Variants in ATG7 observed in about 807,000 individuals in gnomAD.
ATG7 encodes autophagy related 7, also known as ubiquitin-like modifier-activating enzyme ATG7.
ATG7 carries 70 observed loss-of-function variants against 82.4 expected under a neutral mutation model. The ratio of observed to expected loss-of-function variants is 0.85; its 90% CI spans 0.70 to 1.04. ATG7 has a LOEUF of 1.04. Ranked by LOEUF, ATG7 falls within the 50% of genes least tolerant of loss-of-function variation. The pLI, the probability that ATG7 is intolerant of heterozygous loss-of-function variation, is 0.00. For synonymous variants in ATG7, 287 were observed against 313.0 expected (o/e 0.92, Z 0.88); for missense variants, 792 against 864.3 (o/e 0.92, Z 1.05).
intron 20 of ATG7, among the ~76,000 whole-genome samples, chr3:11,461,203 TAAG>T (rs2086267879): frequency 6.6e-6 from 1 of 152,056 alleles, no homozygotes; most frequent in Non-Finnish European, 1.5e-5. Flanking sequence ...AGTGGAAAAA[TAAG>T]AAATGCAGAG....
At chr3:11,310,325 A>G (rs1247408661) in intron 7 of ATG7, among the ~76,000 whole-genome samples, 1 of 152,196 alleles carries the variant, frequency 6.6e-6, no homozygotes, top group African/African-American at 2.4e-5. Context: ...CCACAGCATC[A>G]TCAGCTTTGG....
chr3:11,553,090 G>T (rs994199995), intron 20 of ATG7, among the ~76,000 whole-genome samples: 1 of 152,028 alleles, frequency 6.6e-6, no homozygotes, highest in Non-Finnish European at 1.5e-5. Context: ...CGGAGGACAC[G>T]GCCCACAATG....
the ATG7 span, among the ~76,000 whole-genome samples, chr3:11,567,494 C>A: frequency 1.1e-4 from 16 of 152,284 alleles, no homozygotes; most frequent in South Asian, 3.3e-3. Context: ...CTGGCAGAGT[C>A]TAGATAGTAG....
At chr3:11,416,869 C>A (rs2081413237) in intron 19 of ATG7, among the ~76,000 whole-genome samples, 1 of 152,034 alleles carries the variant, frequency 6.6e-6, no homozygotes, top group Non-Finnish European at 1.5e-5. Flanking sequence ...ATTTCTTTCC[C>A]TGCATCTCAT....
intron 20 of ATG7, among the ~76,000 whole-genome samples, chr3:11,532,046 TTCC>T (rs1036307313): frequency 6.6e-6 from 1 of 152,030 alleles, no homozygotes; most frequent in Non-Finnish European, 1.5e-5. Context: ...TTGGATTTTA[TTCC>T]TCCTCCTCCT....
At chr3:11,499,488 G>C (rs987619934) in intron 20 of ATG7, among the ~76,000 whole-genome samples, 2 of 152,164 alleles carry the variant, frequency 1.3e-5, no homozygotes, top group Admixed American at 1.3e-4. Flanking sequence ...GCTCACGCCT[G>C]CAATCCCAGC....
intron 19 of ATG7, among the ~76,000 whole-genome samples, chr3:11,411,986 T>TC (rs1468250657): frequency 1.3e-5 from 2 of 151,816 alleles, no homozygotes; most frequent in Non-Finnish European, 1.5e-5. Context: ...CCTTTTTTTT[T>TC]TTACTGAAAC....
chr3:11,404,020 A>G (rs1157849329), intron 19 of ATG7, among the ~76,000 whole-genome samples: 1 of 151,922 alleles, frequency 6.6e-6, no homozygotes, highest in Non-Finnish European at 1.5e-5. Context: ...TCTCCCCCCC[A>G]GATTTTTGAC....
intron 20 of ATG7, among the ~76,000 whole-genome samples, chr3:11,521,330 G>A (rs2092435920): frequency 6.6e-6 from 1 of 152,164 alleles, no homozygotes. Context: ...ACAGGAAAGG[G>A]TGGCTAAGAG....
In ATG7 at chr3:11,525,094, T is replaced by G. The variant is rs1159499997; in HGVS notation, c.2080-29717T>G. ...CTCTGTCACCTAGGCTGGAGTGCAG[T>G]GGCGCGATCTCAGCCCACTGCAACC... On this transcript the variant is annotated intron_variant, in intron 20 of 20. Coordinates refer to ENST00000693202, the MANE Select transcript of ATG7 (RefSeq NM_001349232.2). Among the ~76,000 whole-genome samples, 5 of 152,164 alleles carry G rather than the reference T, an allele frequency of 3.3e-5. No individual in the cohort carries two copies. In the East Asian group the frequency reaches 9.7e-4, roughly 29 times the overall value.
intron 20 of ATG7, among the ~76,000 whole-genome samples, chr3:11,438,155 C>T (rs912691879): frequency 6.6e-6 from 1 of 152,170 alleles, no homozygotes; most frequent in Non-Finnish European, 1.5e-5. Flanking sequence ...TGAGGTCCTG[C>T]TGCTCCAGCA....
At chr3:11,572,648 G>A in the ATG7 span, among the ~76,000 whole-genome samples, 5 of 152,178 alleles carry the variant, frequency 3.3e-5, no homozygotes, top group African/African-American at 9.6e-5. Flanking sequence ...CACATCCGTC[G>A]CATGCTTCAC....
intron 19 of ATG7, among the ~76,000 whole-genome samples, chr3:11,407,599 G>T (rs2080470332): frequency 6.6e-6 from 1 of 152,212 alleles, no homozygotes. Flanking sequence ...GCAAACTTCA[G>T]CCTGGGCATC....
At chr3:11,332,949 TA>T (rs1345866947) in intron 10 of ATG7, 22 bp from the exon 11 acceptor site, 1 of 1,428,412 alleles carries the variant, frequency 7.0e-7, no homozygotes, top group Non-Finnish European at 9.2e-7. Flanking sequence ...AATAAATAAA[TA>T]AAAATCCGGG....
the ATG7 span, among the ~76,000 whole-genome samples, chr3:11,573,468 C>T: frequency 6.6e-6 from 1 of 152,152 alleles, no homozygotes; most frequent in Non-Finnish European, 1.5e-5. Flanking sequence ...GACATTCTCT[C>T]AGGTCAGTAT....
intron 13 of ATG7, 65 bp downstream of exon 13, chr3:11,342,344 C>G: frequency 6.6e-7 from 1 of 1,522,218 alleles, no homozygotes; most frequent in Non-Finnish European, 8.8e-7. Context: ...TTGTTTTACT[C>G]TCATGATTGC....
At chr3:11,551,408 T>C (rs1223900003) in intron 20 of ATG7, among the ~76,000 whole-genome samples, 2 of 152,252 alleles carry the variant, frequency 1.3e-5, no homozygotes, top group East Asian at 1.9e-4. Flanking sequence ...CTGACATCTT[T>C]ATGGATGTTG....
intron 5 of ATG7, among the ~76,000 whole-genome samples, chr3:11,299,635 A>G (rs553457916): frequency 3.3e-5 from 5 of 152,284 alleles, no homozygotes; most frequent in East Asian, 3.9e-4. Context: ...ATCAGAGTCA[A>G]TTAGGTGCCA....
At chr3:11,287,079 T>A (rs1185403434) in intron 3 of ATG7, among the ~76,000 whole-genome samples, 3 of 152,198 alleles carry the variant, frequency 2.0e-5, no homozygotes, top group Non-Finnish European at 4.4e-5. Context: ...AAAAGGTTTC[T>A]AAAATTCATC....
Sources: gnomAD v4.1 joint callset for allele counts (sites outside exome capture counted in the v4.1 genomes callset) on GRCh38, gnomAD v4.1.1 for gene constraint, MANE v1.5 for transcripts, NCBI Gene and HGNC (gene_info 2026-07-23, HGNC 2026-07-21) for gene names.